EVC2: variants seen among roughly 807,000 people sequenced by gnomAD.
EVC2 encodes the protein EvC ciliary complex subunit 2, also known as limbin.
A neutral mutation model predicts 149.3 loss-of-function variants in EVC2; 148 were observed. The ratio of observed to expected loss-of-function variants is 0.99; its 90% CI spans 0.87 to 1.14. The LOEUF is 1.14. EVC2 is among the 50% of genes most tolerant of loss of function. The pLI is 0.00. For missense variants in EVC2, 1,854 were observed against 1,627.3 expected, an observed-to-expected ratio of 1.14 and a Z score of -2.40; for synonymous variants, 776 against 649.9, an observed-to-expected ratio of 1.19 and a Z score of -2.95.
chr4:5,630,298 G>C (rs1716438515), intron 11 of EVC2, among the ~76,000 whole-genome samples: 1 of 152,186 alleles, frequency 6.6e-6, no homozygotes, highest in African/African-American at 2.4e-5. Flanking sequence ...GTCCCCAGAG[G>C]ATGGGCAGGG....
chr4:5,637,219 A>G lies in EVC2; in HGVS notation c.1470+3295T>C, dbSNP rs1187869720. On this transcript the variant is annotated intron_variant, in intron 10 of 21. Transcript: ENST00000344408. This position sits in a 1 kb window ranked among gnomAD's most constrained non-coding sequence, Gnocchi z 4.4. ...TTGCCCCAGGCAGTCTTTTGATAGC[A>G]AAGCCACTAGAAACATTCTAGGTGC... Among the ~76,000 whole-genome samples, 3 of 152,252 alleles carry G rather than the reference A, an allele frequency of 2.0e-5. No homozygotes were observed. In the East Asian group the frequency reaches 5.8e-4, roughly 29 times the overall value.
chr4:5,569,515 G>A lies in EVC2; in HGVS notation c.3361-875C>T, dbSNP rs1722520473. 6.6e-6 allele frequency among the ~76,000 whole-genome samples: 1 copy of A among 152,112 alleles called. No individual in the cohort carries two copies. The highest frequency in any genetic ancestry group is 1.5e-5 in the Non-Finnish European group (1 of 68,012). On this transcript the variant is annotated intron_variant, in intron 19 of 21. Coordinates refer to ENST00000344408, the MANE Select transcript of EVC2 (RefSeq NM_147127.5). The surrounding 1 kb of genome is among the most constrained non-coding windows in gnomAD (Gnocchi z 4.8). ...ACTTCAAAATTAAAAATTTTGGCCA[G>A]GCATGGGGGCTCACATCTGTAATCC... is the stretch of plus-strand genomic sequence containing the variant.
chr4:5,668,468 A>G (rs777484907), intron 7 of EVC2, among the ~76,000 whole-genome samples: 1 of 152,214 alleles, frequency 6.6e-6, no homozygotes, highest in African/African-American at 2.4e-5. Flanking sequence ...GATTAACACT[A>G]AAATGAAATC....
chr4:5,650,636 TATAGAGAG>T (rs1461328179), intron 9 of EVC2, among the ~76,000 whole-genome samples: 162 of 55,604 alleles, frequency 2.9e-3, no homozygotes, highest in East Asian at 0.017. Flanking sequence ...TATATATATA[TATAGAGAG>T]AGAGAGAGAG....
chr4:5,651,233 G>A (rs1283077233), intron 9 of EVC2, among the ~76,000 whole-genome samples: 1 of 125,782 alleles, frequency 8.0e-6, no homozygotes, highest in Non-Finnish European at 1.7e-5. Flanking sequence ...TGGATGGGTA[G>A]ATGAAGTATG....
intron 2 of EVC2, among the ~76,000 whole-genome samples, chr4:5,695,702 T>C (rs1248395329): frequency 2.0e-5 from 3 of 152,244 alleles, no homozygotes; most frequent in Non-Finnish European, 4.4e-5. Flanking sequence ...AGTTTTGAAA[T>C]GACCTGGATG....
chr4:5,574,491 G>A (rs1362924393), intron 19 of EVC2, among the ~76,000 whole-genome samples, 194 bp downstream of exon 19: 1 of 152,230 alleles, frequency 6.6e-6, no homozygotes, highest in Non-Finnish European at 1.5e-5. Flanking sequence ...TATGGTTGCG[G>A]TTGCTGCCAT....
the EVC2 span, among the ~76,000 whole-genome samples, chr4:5,537,151 C>T: frequency 7.2e-5 from 11 of 152,290 alleles, no homozygotes; most frequent in Admixed American, 2.6e-4. Context: ...AGAGTTGCCC[C>T]GCTTTCTGCC....
chr4:5,562,707 T>C lies in EVC2; in HGVS notation c.*141A>G, dbSNP rs565382969. 2 of 1,538,852 alleles carry C rather than the reference T, an allele frequency of 1.3e-6. No homozygotes were observed. Among genetic ancestry groups the C allele is most frequent in the East Asian group, 4.6e-5 (2 of 43,466 alleles). On this transcript the variant is annotated 3_prime_UTR_variant, in exon 22 of 22. Transcript: ENST00000344408. This position sits in a 1 kb window ranked among gnomAD's most constrained non-coding sequence, Gnocchi z 4.3. The stretch of plus-strand genomic sequence containing the variant: ...CAAGATTAAACCGAGTCCCTGCAAG[T>C]TGGCATGCGCTACGGGGTCTGTGCC...
chr4:5,576,383 G>A lies in EVC2; in HGVS notation c.3129C>T (p.Ala1043=), dbSNP rs987312090. The A allele has an allele frequency of 1.9e-6, 3 of 1,613,880 alleles. No homozygotes were observed. The highest frequency in any genetic ancestry group is 2.7e-5 in the African/African-American group (2 of 74,906). The change falls in exon 18 of 22, where the codon GCC becomes GCT. Residue 1043 remains alanine, a synonymous_variant. Transcript: ENST00000344408. The surrounding 1 kb of genome is among the most constrained non-coding windows in gnomAD (Gnocchi z 4.5). ...CCACCCACTGCTGCCAGCTCGCCAGGGCCTGCTGCTGCTGGGCTGCCTCCT... is the reference window on the plus strand; with the variant it reads ...CCACCCACTGCTGCCAGCTCGCCAGAGCCTGCTGCTGCTGGGCTGCCTCCT... ...VQQEAAQQQQ[A]LASWQQWVAD...
At chr4:5,707,108 A>C (rs1406789925) in intron 1 of EVC2, among the ~76,000 whole-genome samples, 1 of 152,160 alleles carries the variant, frequency 6.6e-6, no homozygotes, top group African/African-American at 2.4e-5. Context: ...GAGAGAGTAC[A>C]GGACAGGCCT....
rs768647764 is a variant in EVC2, at chr4:5,689,158, T to C, written c.705A>G (p.Gln235=). The change falls in exon 5 of 22, where the codon CAA becomes CAG. Residue 235 remains glutamine, a splice_region_variant and synonymous_variant. Transcript: ENST00000344408. ...GFQAFSKKFL[Q]VGDAFAVSYA... ...GACTTCAGAACGCTTTGCTGTTACC[T>C]TGCAGAAACTTCTTGCTAAAAGCCT... 3.0e-5 allele frequency: 49 copies of C among 1,614,056 alleles called. No individual in the cohort carries two copies. Among genetic ancestry groups the C allele is most frequent in the Non-Finnish European group, 4.0e-5 (47 of 1,180,048 alleles).
rs1385972994 is a variant in EVC2, at chr4:5,625,890, TTCA to T, written c.1902_1904del (p.Asp634del). On this transcript the variant is annotated inframe_deletion, in exon 13 of 22. Transcript: ENST00000344408. The surrounding 1 kb of genome is among the most constrained non-coding windows in gnomAD (Gnocchi z 4.0). ...GCTCCAATAGCATTTCCATTTGGTC[TTCA>T]TCCAGGTACCCTGCTCTAGATGGAA... is the stretch of plus-strand genomic sequence containing the variant. The T allele has an allele frequency of 6.2e-7, 1 of 1,614,104 alleles. No homozygotes were observed. The highest frequency in any genetic ancestry group is 1.6e-4 in the Middle Eastern group (1 of 6,062).
intron 9 of EVC2, among the ~76,000 whole-genome samples, chr4:5,643,552 T>C (rs184560475): frequency 6.6e-6 from 1 of 152,354 alleles, no homozygotes; most frequent in East Asian, 1.9e-4. Flanking sequence ...TCAATTTAAT[T>C]CTTGGGCCCA....
At chr4:5,666,955 T>A (rs531169733) in intron 7 of EVC2, among the ~76,000 whole-genome samples, 2 of 152,198 alleles carry the variant, frequency 1.3e-5, no homozygotes, top group Admixed American at 1.3e-4. Context: ...TCCCTCAAGA[T>A]GTTGATGGTG....
At chr4:5,595,605 TG>T (rs1385691960) in intron 16 of EVC2, among the ~76,000 whole-genome samples, 5 of 152,150 alleles carry the variant, frequency 3.3e-5, no homozygotes, top group African/African-American at 1.2e-4. Context: ...TACCAGCCAC[TG>T]CAAAATCAAG....
the EVC2 span, among the ~76,000 whole-genome samples, chr4:5,532,491 G>A: frequency 5.3e-5 from 8 of 152,100 alleles, no homozygotes; most frequent in Non-Finnish European, 7.4e-5. Context: ...AGATACAACA[G>A]ACCCAAGACT....
chr4:5,535,675 TA>T, the EVC2 span, among the ~76,000 whole-genome samples: 1 of 150,338 alleles, frequency 6.7e-6, no homozygotes, highest in Non-Finnish European at 1.5e-5. The surrounding 1 kb of genome is among the most constrained non-coding windows in gnomAD (Gnocchi z 4.7). Flanking sequence ...TTAAGGGCAC[TA>T]ATCCCACCAT....
At chr4:5,589,060 C>G (rs1712553071) in intron 16 of EVC2, among the ~76,000 whole-genome samples, 2 of 152,218 alleles carry the variant, frequency 1.3e-5, no homozygotes, top group South Asian at 4.1e-4. Context: ...ATGCCTGGTA[C>G]TTTTTAACTG....
Sources: allele counts gnomAD v4.1 joint callset (sites outside exome capture counted in the v4.1 genomes callset), GRCh38; gene constraint gnomAD v4.1.1; non-coding constraint Gnocchi (gnomAD v3.1); transcripts MANE v1.5; gene names NCBI Gene and HGNC (gene_info 2026-07-23, HGNC 2026-07-21).